The following MCF2L variants were observed in gnomAD, a reference collection of about 807,000 sequenced individuals.
MCF2L encodes the protein guanine nucleotide exchange factor DBS.
Under a neutral mutation model 153.4 loss-of-function variants are expected in MCF2L, and 97 were observed. The observed-to-expected ratio is 0.63, with a 90% CI of 0.54 to 0.75. The LOEUF (loss-of-function observed/expected upper bound fraction) is 0.75. MCF2L is among the 30% of genes least tolerant of loss of function. MCF2L has a pLI of 0.00. For synonymous variants in MCF2L, 659 were observed against 632.2 expected, an observed-to-expected ratio of 1.04 and a Z score of -0.64; for missense variants, 1,347 against 1,495.2, an observed-to-expected ratio of 0.90 and a Z score of 1.64.
intron 2 of MCF2L, among the ~76,000 whole-genome samples, chr13:112,940,780 T>C (rs937894822): frequency 4.6e-5 from 7 of 151,530 alleles, no homozygotes; most frequent in Non-Finnish European, 8.8e-5. Flanking sequence ...TGTATATGTA[T>C]GCCAAATATC....
chr13:112,903,766 C>T (rs560595844), intron 2 of MCF2L, among the ~76,000 whole-genome samples: 1 of 152,272 alleles, frequency 6.6e-6, no homozygotes, highest in Non-Finnish European at 1.5e-5. Flanking sequence ...GGACTGAGAA[C>T]CAGGTGCTCT....
intron 1 of MCF2L, among the ~76,000 whole-genome samples, chr13:112,897,596 C>T (rs1002309453): frequency 6.6e-6 from 1 of 152,252 alleles, no homozygotes; most frequent in Non-Finnish European, 1.5e-5. Context: ...AAGTGAAGAG[C>T]ATTACTGACA....
chr13:113,065,979 G>A lies in MCF2L; in HGVS notation c.757-67G>A, dbSNP rs1336732304. 1.4e-5 allele frequency: 21 copies of A among 1,542,500 alleles called. No individual in the cohort carries two copies. The Admixed American group carries it at 1.7e-4, about 12-fold the overall frequency. On this transcript the variant is annotated intron_variant, in intron 7 of 29. Transcript: ENST00000535094. ...CCCCTCAAGAGCAAGGCCCCACGAGGCCTCACCACCAGCCTGCGCTGTGTG... is the reference window on the plus strand; with the variant it reads ...CCCCTCAAGAGCAAGGCCCCACGAGACCTCACCACCAGCCTGCGCTGTGTG...
At chr13:112,937,520 A>T (rs890915541) in intron 2 of MCF2L, among the ~76,000 whole-genome samples, 1 of 152,238 alleles carries the variant, frequency 6.6e-6, no homozygotes, top group Non-Finnish European at 1.5e-5. Flanking sequence ...TCCAGTGAAC[A>T]GTTTACAAAC....
chr13:112,990,143 G>C (rs373044459), intron 1 of MCF2L, among the ~76,000 whole-genome samples: 1 of 152,280 alleles, frequency 6.6e-6, no homozygotes, highest in Admixed American at 6.5e-5. Context: ...TCTGTGGCTC[G>C]GGGCTTGCAG....
At chr13:112,977,247 C>T (rs372824626) in intron 1 of MCF2L, among the ~76,000 whole-genome samples, 79 of 152,280 alleles carry the variant, frequency 5.2e-4, no homozygotes, top group African/African-American at 1.8e-3. Context: ...AATAGACTCC[C>T]GGGGTTCACA....
Position 113,055,440 on chromosome 13 carries a change from A to G in MCF2L, c.370-5153A>G, listed in dbSNP as rs930061036. On this transcript the variant is annotated intron_variant, in intron 4 of 29. Transcript: ENST00000535094. ...CACACACACACACACACACACACAC[A>G]CACACCTGGCTTCATCTCTGAGCTT... Among the ~76,000 whole-genome samples, 4 of 104,832 alleles carry G rather than the reference A, an allele frequency of 3.8e-5. 1 individual carries two copies. The South Asian group carries it at 1.5e-3, about 40-fold the overall frequency. The allele number at this position is 104,832 out of a possible 152,430, so 68.8% of individuals were successfully genotyped here. A position where few individuals can be genotyped will look rare whatever the true frequency, so the allele number is the denominator to read the frequency against.
At chr13:113,050,864 G>T (rs1256874112) in intron 4 of MCF2L, among the ~76,000 whole-genome samples, 1 of 151,896 alleles carries the variant, frequency 6.6e-6, no homozygotes, top group Non-Finnish European at 1.5e-5. Flanking sequence ...ACGGGAGGAG[G>T]AGTTGTCCAG....
Position 113,045,086 on chromosome 13 carries a change from G to A in MCF2L, c.279-185G>A, listed in dbSNP as rs2086724707. ...AGTGCCTGCCCTTCCGTAGATGAGA[G>A]CAGGTTCTGGGACTGCGGGGATGGG... On this transcript the variant is annotated intron_variant, in intron 3 of 29. Coordinates refer to ENST00000535094, the MANE Select transcript of MCF2L (RefSeq NM_001112732.3). This position sits in a 1 kb window ranked among gnomAD's most constrained non-coding sequence, Gnocchi z 4.2. 1.1e-6 allele frequency: 1 copy of A among 945,400 alleles called. No individual in the cohort carries two copies. Among genetic ancestry groups the A allele is most frequent in the Admixed American group, 2.2e-5 (1 of 45,082 alleles). 58.6% of individuals were successfully genotyped at this position (945,400 alleles called of 1,614,324 possible). A position where few individuals can be genotyped will look rare whatever the true frequency, so the allele number is the denominator to read the frequency against.
chr13:112,900,846 C>T (rs1179852204), intron 1 of MCF2L, among the ~76,000 whole-genome samples: 1 of 152,006 alleles, frequency 6.6e-6, no homozygotes. Context: ...TGCAAAGCTC[C>T]CTGGGGACTG....
intron 2 of MCF2L, among the ~76,000 whole-genome samples, chr13:112,908,742 G>T (rs79416413): frequency 8.1e-5 from 12 of 147,644 alleles, no homozygotes; most frequent in Non-Finnish European, 1.2e-4. Context: ...GTTTTTTTTT[G>T]TTTTTTTTTG....
Position 113,010,863 on chromosome 13 carries a change from G to A in MCF2L, c.80-3900G>A, listed in dbSNP as rs80096541. Among the ~76,000 whole-genome samples, 297 of 152,340 alleles carry A rather than the reference G, an allele frequency of 1.9e-3. 1 individual carries two copies. The highest frequency in any genetic ancestry group is 3.3e-3 in the Non-Finnish European group (226 of 68,034). On this transcript the variant is annotated intron_variant, in intron 1 of 29. Coordinates refer to ENST00000535094, the MANE Select transcript of MCF2L (RefSeq NM_001112732.3). ...TCTGACAGCACAGAGCCCCACAGAG[G>A]CCATGCTCGCCTGCCTGCATCTCCT...
At chr13:112,988,777 C>G (rs1359013978) in intron 1 of MCF2L, among the ~76,000 whole-genome samples, 9 of 105,948 alleles carry the variant, frequency 8.5e-5, no homozygotes, top group East Asian at 5.6e-4. Context: ...CTACCATGCC[C>G]GAGTCCTCCC....
At chr13:112,997,062 CTGAGCGGCTGCTTCCCG>C (rs2083169000) in intron 1 of MCF2L, among the ~76,000 whole-genome samples, 1 of 152,252 alleles carries the variant, frequency 6.6e-6, no homozygotes, top group Non-Finnish European at 1.5e-5. Flanking sequence ...GCTTTCCCAG[CTGAGCGGCTGCTTCCCG>C]TGAACGGAGG....
intron 8 of MCF2L, 135 bp from the exon 9 acceptor site, chr13:113,069,924 G>T (rs2032711013): frequency 3.6e-6 from 2 of 561,766 alleles, no homozygotes; most frequent in East Asian, 3.6e-5. Flanking sequence ...TTAGGTGCAG[G>T]GAGTGAGCGG....
chr13:113,078,161 C>T lies in MCF2L; in HGVS notation c.1661-202C>T, dbSNP rs535016616. ...GGCCTCAGAGGCCAAGTCCTGCCCA[C>T]GCCACCACCTGTGGCCCCAGAGGCC... On this transcript the variant is annotated intron_variant, in intron 13 of 29. Coordinates refer to ENST00000535094, the MANE Select transcript of MCF2L (RefSeq NM_001112732.3). Among the ~76,000 whole-genome samples, 45 of 143,120 alleles carry T rather than the reference C, an allele frequency of 3.1e-4. 1 individual carries two copies. Among genetic ancestry groups the T allele is most frequent in the African/African-American group, 1.0e-3 (41 of 39,116 alleles). 93.9% of individuals were successfully genotyped at this position (143,120 alleles called of 152,430 possible). A position where few individuals can be genotyped will look rare whatever the true frequency, so the allele number is the denominator to read the frequency against.
At chr13:113,079,539 A>G (rs1006747192) in intron 15 of MCF2L, among the ~76,000 whole-genome samples, 5 of 152,156 alleles carry the variant, frequency 3.3e-5, no homozygotes, top group African/African-American at 9.7e-5. Flanking sequence ...GAAAGAAGAA[A>G]AGGCTCTTCC....
At chr13:112,995,007 G>A (rs929556773) in intron 1 of MCF2L, among the ~76,000 whole-genome samples, 1 of 152,244 alleles carries the variant, frequency 6.6e-6, no homozygotes, top group Non-Finnish European at 1.5e-5. Context: ...GTCCCCAGGG[G>A]CGCCTCCCTC....
rs756616118 is a variant in MCF2L, at chr13:113,078,429, G to T, written c.1727G>T (p.Arg576Met). The T allele has an allele frequency of 6.2e-7, 1 of 1,611,460 alleles. No homozygotes were observed. The highest frequency in any genetic ancestry group is 1.1e-5 in the South Asian group (1 of 90,834). ...GCGCTCCGGAGAGGGCCCTACCGGA[G>T]GGCCAAGGTGAGGCTTGCCCAAGAC... Reference protein sequence around the residue: ...GGALRRGPYRRAKSEMSESRQ... With the variant: ...GGALRRGPYRMAKSEMSESRQ... Residue 576 changes from arginine (R) to methionine (M), a missense_variant, in exon 14 of 30, where the codon AGG becomes ATG. By Grantham distance (91) the Arg-to-Met change is moderately conservative. Transcript: ENST00000535094.
Sources: gnomAD v4.1 joint callset for allele counts (sites outside exome capture counted in the v4.1 genomes callset) on GRCh38, gnomAD v4.1.1 for gene constraint, Gnocchi (gnomAD v3.1) non-coding constraint, MANE v1.5 for transcripts, NCBI Gene and HGNC (gene_info 2026-07-23, HGNC 2026-07-21) for gene names.